Variants in NRG3 observed in about 807,000 individuals in gnomAD.
NRG3 encodes neuregulin 3, also known as pro-neuregulin-3, membrane-bound isoform.
Under a neutral mutation model 66.9 loss-of-function variants are expected in NRG3, and 31 were observed. The observed-to-expected ratio is 0.46, with a 90% CI of 0.35 to 0.63. NRG3 has a LOEUF of 0.63. Among genes scored for constraint, NRG3 ranks in the 20% least tolerant of loss-of-function variants. The pLI is 0.00. For synonymous variants in NRG3, 393 were observed against 359.4 expected, an observed-to-expected ratio of 1.09 and a Z score of -1.06; for missense variants, 910 against 878.9, an observed-to-expected ratio of 1.04 and a Z score of -0.45.
At chr10:81,934,225 T>G (rs1293239643) in intron 1 of NRG3, among the ~76,000 whole-genome samples, 2 of 152,218 alleles carry the variant, frequency 1.3e-5, no homozygotes, top group African/African-American at 2.4e-5. Flanking sequence ...TTTGTGTGAA[T>G]AGTAAGTGTA....
intron 1 of NRG3, among the ~76,000 whole-genome samples, chr10:81,990,136 T>G (rs1010083144): frequency 4.6e-5 from 7 of 152,158 alleles, no homozygotes; most frequent in Admixed American, 1.3e-4. Context: ...GTCCGTATCT[T>G]TACTCTTTAG....
At chr10:82,248,661 C>T (rs970460891) in intron 1 of NRG3, among the ~76,000 whole-genome samples, 20 of 152,164 alleles carry the variant, frequency 1.3e-4, no homozygotes, top group Admixed American at 1.0e-3. Flanking sequence ...GTAAGTGCAA[C>T]ATAAGTGCTG....
chr10:82,467,063 G>T (rs1253551734), intron 2 of NRG3, among the ~76,000 whole-genome samples: 1 of 151,282 alleles, frequency 6.6e-6, no homozygotes, highest in Non-Finnish European at 1.5e-5. Context: ...TTTAAATAGG[G>T]GACCGTTATT....
intron 1 of NRG3, among the ~76,000 whole-genome samples, chr10:82,054,127 A>T (rs1287873414): frequency 6.6e-6 from 1 of 152,218 alleles, no homozygotes; most frequent in African/African-American, 2.4e-5. Context: ...AGGGGAAGTC[A>T]TTAGAGGGTA....
At chr10:82,277,884 A>G (rs917621514) in intron 1 of NRG3, among the ~76,000 whole-genome samples, 2 of 152,076 alleles carry the variant, frequency 1.3e-5, no homozygotes, top group African/African-American at 2.4e-5. Context: ...AGTGAGAAAA[A>G]TGGATTGGTC....
intron 1 of NRG3, among the ~76,000 whole-genome samples, chr10:81,963,226 C>T (rs961734898): frequency 1.4e-5 from 2 of 146,340 alleles, no homozygotes; most frequent in Admixed American, 6.8e-5. Flanking sequence ...CTCCGCCTCC[C>T]GGGTTCACGC....
At chr10:81,994,565 T>G (rs1207905460) in intron 1 of NRG3, among the ~76,000 whole-genome samples, 1 of 151,974 alleles carries the variant, frequency 6.6e-6, no homozygotes, top group Non-Finnish European at 1.5e-5. Flanking sequence ...GCATAAAGGA[T>G]AGATAGCATG....
Position 82,985,396 on chromosome 10 carries a change from A to C in NRG3, c.1882A>C (p.Lys628Gln). The change falls in exon 9 of 9, where the codon AAA becomes CAA. Residue 628 changes from lysine to glutamine, a missense_variant. Lys to Gln is a moderately conservative substitution (Grantham distance 53). Coordinates refer to ENST00000372141, the MANE Select transcript of NRG3 (RefSeq NM_001010848.4). ...TCTTATAGCAGAACAACAAGAAGTG[A>C]AAATATTGCTAGAAACTGTCCAGGA... is the stretch of plus-strand genomic sequence containing the variant. The part of the protein sequence containing the change: ...DCLIAEQQEV[K>Q]ILLETVQEQI... 1.2e-6 allele frequency: 2 copies of C among 1,614,198 alleles called. No individual in the cohort carries two copies. The highest frequency in any genetic ancestry group is 1.7e-6 in the Non-Finnish European group (2 of 1,180,024).
chr10:82,742,364 CTG>C (rs1270170597), intron 3 of NRG3, among the ~76,000 whole-genome samples: 1 of 152,104 alleles, frequency 6.6e-6, no homozygotes, highest in Non-Finnish European at 1.5e-5. Flanking sequence ...GGTCCTCAGA[CTG>C]TTTCAAAAAC....
chr10:82,525,685 G>A (rs1471661652), intron 2 of NRG3, among the ~76,000 whole-genome samples: 1 of 151,514 alleles, frequency 6.6e-6, no homozygotes, highest in Non-Finnish European at 1.5e-5. Flanking sequence ...TACAGAAAAT[G>A]AGGTAAAATG....
chr10:82,091,610 C>T (rs2066029990), intron 1 of NRG3, among the ~76,000 whole-genome samples: 1 of 152,096 alleles, frequency 6.6e-6, no homozygotes, highest in Non-Finnish European at 1.5e-5. Flanking sequence ...GTGAATAATG[C>T]TCCCAAGACC....
At chr10:82,460,852 T>C (rs906113647) in intron 2 of NRG3, among the ~76,000 whole-genome samples, 2 of 152,226 alleles carry the variant, frequency 1.3e-5, no homozygotes, top group Admixed American at 1.3e-4. Context: ...TGCCTGCTCT[T>C]TGAGCAATAG....
intron 1 of NRG3, among the ~76,000 whole-genome samples, chr10:82,313,373 TA>T (rs2081132805): frequency 6.6e-6 from 1 of 151,538 alleles, no homozygotes; most frequent in Admixed American, 6.6e-5. Flanking sequence ...AATAAATAAA[TA>T]AAATAAAAAT....
chr10:82,643,885 C>T (rs185698101), intron 2 of NRG3, among the ~76,000 whole-genome samples: 17 of 47,056 alleles, frequency 3.6e-4, no homozygotes, highest in East Asian at 8.6e-4. Flanking sequence ...GACACACACG[C>T]GCACACACAC....
intron 2 of NRG3, among the ~76,000 whole-genome samples, chr10:82,384,880 T>C (rs1291658610): frequency 3.9e-5 from 6 of 152,210 alleles, no homozygotes; most frequent in Non-Finnish European, 8.8e-5. Context: ...GTTGAACTAA[T>C]TTACACTCCC....
At chr10:82,712,343 A>G (rs1591275481) in intron 2 of NRG3, among the ~76,000 whole-genome samples, 1 of 152,322 alleles carries the variant, frequency 6.6e-6, no homozygotes, top group Admixed American at 6.5e-5. Flanking sequence ...TAATTGAAGT[A>G]TTGGGAGCAG....
chr10:82,054,283 G>C (rs2063733204), intron 1 of NRG3, among the ~76,000 whole-genome samples: 1 of 152,158 alleles, frequency 6.6e-6, no homozygotes, highest in East Asian at 1.9e-4. Flanking sequence ...AATGATGACA[G>C]CTTAGACCAG....
chr10:81,915,070 T>C (rs868722269), intron 1 of NRG3, among the ~76,000 whole-genome samples: 2 of 152,224 alleles, frequency 1.3e-5, no homozygotes, highest in Admixed American at 6.5e-5. Context: ...ATTGGGATAA[T>C]TTATAACTTA....
intron 1 of NRG3, among the ~76,000 whole-genome samples, chr10:82,293,411 A>C (rs2079858109): frequency 6.6e-6 from 1 of 152,298 alleles, no homozygotes; most frequent in Admixed American, 6.5e-5. Context: ...TGAGTGCCTA[A>C]GTTCAATTAT....
Sources: gnomAD v4.1 joint callset for allele counts (sites outside exome capture counted in the v4.1 genomes callset) on GRCh38, gnomAD v4.1.1 for gene constraint, MANE v1.5 for transcripts, NCBI Gene and HGNC (gene_info 2026-07-23, HGNC 2026-07-21) for gene names.